Variants in JAM3 observed in about 807,000 individuals in gnomAD.
The protein encoded by JAM3 is junctional adhesion molecule C.
JAM3 carries 31 observed loss-of-function variants against 39.4 expected under a neutral mutation model. The observed-to-expected ratio is 0.79, with a 90% CI of 0.59 to 1.06. JAM3 has a LOEUF of 1.06. Among genes scored for constraint, JAM3 ranks in the 50% least tolerant of loss-of-function variants. The probability of loss-of-function intolerance (pLI) is 0.00; values close to 1 mark genes in which losing one functional copy is unlikely to be tolerated. For missense variants in JAM3, 455 were observed against 391.4 expected (o/e 1.16, Z -1.37); for synonymous variants, 182 against 148.7 (o/e 1.22, Z -1.63).
chr11:134,103,380 A>G (rs1314719134), intron 1 of JAM3, among the ~76,000 whole-genome samples: 1 of 152,188 alleles, frequency 6.6e-6, no homozygotes, highest in East Asian at 1.9e-4. Flanking sequence ...CATGGAAAGG[A>G]ACAACCAGTA....
At chr11:134,132,893 C>G (rs941685789) in intron 1 of JAM3, among the ~76,000 whole-genome samples, 1 of 152,196 alleles carries the variant, frequency 6.6e-6, no homozygotes, top group Non-Finnish European at 1.5e-5. Context: ...TTTTCCTACT[C>G]TGGTACTGGT....
chr11:134,101,783 G>C (rs990148537), intron 1 of JAM3, among the ~76,000 whole-genome samples: 1 of 152,062 alleles, frequency 6.6e-6, no homozygotes, highest in African/African-American at 2.4e-5. Context: ...CTTTATGTGT[G>C]ATAACTCATT....
chr11:134,108,577 TGTGTA>T (rs1942247050), intron 1 of JAM3, among the ~76,000 whole-genome samples: 1 of 152,160 alleles, frequency 6.6e-6, no homozygotes. Context: ...TGGCTGTTTG[TGTGTA>T]TAGGAAGAAA....
chr11:134,148,012 TCA>T (rs1398424242), intron 6 of JAM3: 1 of 182,534 alleles, frequency 5.5e-6, no homozygotes, highest in Non-Finnish European at 1.2e-5. Flanking sequence ...GGGTTTCCTC[TCA>T]GAGGGCTTAT....
intron 1 of JAM3, among the ~76,000 whole-genome samples, chr11:134,083,317 T>G (rs1021311198): frequency 6.7e-6 from 1 of 148,352 alleles, no homozygotes; most frequent in African/African-American, 2.5e-5. Context: ...TCCCTCACTC[T>G]TTCTCTCTCC....
chr11:134,078,189 G>A (rs765404333), intron 1 of JAM3, among the ~76,000 whole-genome samples: 2 of 151,754 alleles, frequency 1.3e-5, no homozygotes, highest in South Asian at 2.1e-4. Context: ...GCATGATCTC[G>A]GCCCACTGCA....
At chr11:134,127,682 AGAGT>A (rs1942677077) in intron 1 of JAM3, among the ~76,000 whole-genome samples, 1 of 152,260 alleles carries the variant, frequency 6.6e-6, no homozygotes, top group African/African-American at 2.4e-5. Context: ...TCTGAGCGAC[AGAGT>A]GAGACTCGAT....
At chr11:134,094,721 C>T (rs1349643083) in intron 1 of JAM3, among the ~76,000 whole-genome samples, 2 of 152,214 alleles carry the variant, frequency 1.3e-5, no homozygotes, top group African/African-American at 4.8e-5. Flanking sequence ...ACTTTCGTGG[C>T]CCCTATACTT....
At chr11:134,078,410 G>A (rs774221584) in intron 1 of JAM3, among the ~76,000 whole-genome samples, 17 of 152,258 alleles carry the variant, frequency 1.1e-4, no homozygotes, top group Middle Eastern at 3.4e-3. Context: ...GTGAGCCACC[G>A]CACCTGGCCC....
chr11:134,080,105 T>G (rs189005162), intron 1 of JAM3, among the ~76,000 whole-genome samples: 1 of 152,362 alleles, frequency 6.6e-6, no homozygotes, highest in Admixed American at 6.5e-5. Flanking sequence ...GGGTTGTTAT[T>G]TTTAATTCAA....
intron 1 of JAM3, among the ~76,000 whole-genome samples, chr11:134,130,535 T>C (rs1942749989): frequency 6.6e-6 from 1 of 152,084 alleles, no homozygotes; most frequent in Non-Finnish European, 1.5e-5. Context: ...AGCAGAAAAA[T>C]TAAAAAATCA....
rs1943150326 is a variant in JAM3, at chr11:134,149,492, C to T, written c.*311C>T. 10 of 520,716 alleles carry T rather than the reference C, an allele frequency of 1.9e-5. No homozygotes were observed. Among genetic ancestry groups the T allele is most frequent in the South Asian group, 1.7e-4 (9 of 54,374 alleles). The allele number at this position is 520,716 out of a possible 1,614,324, so 32.3% of individuals were successfully genotyped here. A position where few individuals can be genotyped will look rare whatever the true frequency, so the allele number is the denominator to read the frequency against. Reference sequence around the variant, plus strand: ...TATTAGGGTGATCTTAAAGAGTTTGCTCACGTAAACGCCCGTGCTGGGCCC... The same window carrying T: ...TATTAGGGTGATCTTAAAGAGTTTGTTCACGTAAACGCCCGTGCTGGGCCC... On this transcript the variant is annotated 3_prime_UTR_variant, in exon 9 of 9. Coordinates refer to ENST00000299106, the MANE Select transcript of JAM3 (RefSeq NM_032801.5).
chr11:134,071,398 C>T (rs1941482588), intron 1 of JAM3, among the ~76,000 whole-genome samples: 2 of 152,084 alleles, frequency 1.3e-5, no homozygotes, highest in South Asian at 4.1e-4. Flanking sequence ...TTCCATTTGA[C>T]GGTGGAGTTC....
intron 1 of JAM3, among the ~76,000 whole-genome samples, chr11:134,093,088 A>G (rs928626804): frequency 2.6e-5 from 3 of 113,896 alleles, no homozygotes; most frequent in African/African-American, 7.2e-5. Flanking sequence ...GTCATGTTCC[A>G]TCTTACATGT....
rs2120437315 is a variant in JAM3, at chr11:134,151,836, A to C, written c.*2655A>C. 1 of 140,684 alleles carries C rather than the reference A, an allele frequency of 7.1e-6. No individual in the cohort carries two copies. The highest frequency in any genetic ancestry group is 2.4e-4 in the South Asian group (1 of 4,132). 8.7% of individuals were successfully genotyped at this position (140,684 alleles called of 1,614,324 possible). On this transcript the variant is annotated 3_prime_UTR_variant, in exon 9 of 9. Coordinates refer to ENST00000299106, the MANE Select transcript of JAM3 (RefSeq NM_032801.5). ...ATTTCAGTGGTTAGGCATGCACACT[A>C]AAAATGCTATCAATCACCCATCCAC...
Position 134,121,218 on chromosome 11 carries a change from T to C in JAM3, c.77-18633T>C, listed in dbSNP as rs532564709. Among the ~76,000 whole-genome samples the C allele has an allele frequency of 3.2e-4, 49 of 152,328 alleles. No homozygotes were observed. In the South Asian group the frequency reaches 9.7e-3, roughly 30 times the overall value. ...TTAAACAAGCGAAGTGATTGTCATA[T>C]AACTTGTCTGGCATCAGATCCGCAG... On this transcript the variant is annotated intron_variant, in intron 1 of 8. Transcript: ENST00000299106.
intron 1 of JAM3, among the ~76,000 whole-genome samples, chr11:134,131,794 CTG>C (rs1235669677): frequency 6.6e-6 from 1 of 152,002 alleles, no homozygotes; most frequent in African/African-American, 2.4e-5. Context: ...AATACAATAA[CTG>C]AAATGAAAAA....
chr11:134,128,788 A>T (rs1373504560), intron 1 of JAM3, among the ~76,000 whole-genome samples: 3 of 152,194 alleles, frequency 2.0e-5, no homozygotes, highest in Non-Finnish European at 4.4e-5. Flanking sequence ...TAAATCACCC[A>T]GTCTCTGGTA....
chr11:134,095,697 C>G (rs979610845), intron 1 of JAM3, among the ~76,000 whole-genome samples: 1 of 152,030 alleles, frequency 6.6e-6, no homozygotes, highest in African/African-American at 2.4e-5. Flanking sequence ...ACAAAAGAGT[C>G]TAGGTTAAAG....
Sources: gnomAD v4.1 joint callset for allele counts (sites outside exome capture counted in the v4.1 genomes callset) on GRCh38, gnomAD v4.1.1 for gene constraint, MANE v1.5 for transcripts, NCBI Gene and HGNC (gene_info 2026-07-23, HGNC 2026-07-21) for gene names.